Variants in TOM1L1 observed in about 807,000 individuals in gnomAD.
TOM1L1 encodes the protein TOM1-like protein 1.
Under a neutral mutation model 63.4 loss-of-function variants are expected in TOM1L1, and 64 were observed. That is an observed-to-expected ratio of 1.01 (90% CI 0.83 to 1.24). TOM1L1 has a LOEUF of 1.24. Among genes scored for constraint, TOM1L1 ranks in the 50% most tolerant of loss-of-function variants. The pLI, the probability that TOM1L1 is intolerant of heterozygous loss-of-function variation, is 0.00. For missense variants in TOM1L1, 536 were observed against 567.0 expected (o/e 0.95, Z 0.55); for synonymous variants, 166 against 194.4 (o/e 0.85, Z 1.22).
At chr17:54,938,609 G>A in intron 10 of TOM1L1, 1 of 209,600 alleles carries the variant, frequency 4.8e-6, no homozygotes. Flanking sequence ...AAAATCCTTT[G>A]CATTCTGGAT....
At chr17:54,924,622 G>A (rs1216712797) in intron 7 of TOM1L1, among the ~76,000 whole-genome samples, 1 of 152,170 alleles carries the variant, frequency 6.6e-6, no homozygotes, top group African/African-American at 2.4e-5. Context: ...CACTCACAGT[G>A]TCTGACGCTT....
intron 8 of TOM1L1, 134 bp from the exon 9 acceptor site, chr17:54,936,515 A>G: frequency 1.4e-6 from 1 of 728,030 alleles, no homozygotes; most frequent in Non-Finnish European, 2.2e-6. Flanking sequence ...TATTAAAAGT[A>G]TTTTACTGAT....
chr17:54,952,742 G>C (rs570307010), intron 14 of TOM1L1: 18 of 152,206 alleles, frequency 1.2e-4, no homozygotes, highest in Non-Finnish European at 5.9e-5. Flanking sequence ...CAATTATCTA[G>C]TACCGCATTA....
chr17:54,947,497 T>C, intron 12 of TOM1L1, 185 bp downstream of exon 12: 1 of 627,998 alleles, frequency 1.6e-6, no homozygotes, highest in Non-Finnish European at 2.8e-6. Flanking sequence ...CTTCCTTTCC[T>C]TGTATTCTCT....
At chr17:54,911,489 T>G (rs1270630651) in intron 3 of TOM1L1, among the ~76,000 whole-genome samples, 2 of 152,134 alleles carry the variant, frequency 1.3e-5, no homozygotes, top group East Asian at 3.8e-4. Flanking sequence ...TATCTAAATT[T>G]CAGCCCATCA....
At position 54,913,882 on chromosome 17, in the gene TOM1L1, C is replaced by A; in HGVS notation, c.498+9C>A. The A allele has an allele frequency of 6.2e-7, 1 of 1,602,370 alleles. No individual in the cohort carries two copies. The highest frequency in any genetic ancestry group is 8.5e-7 in the Non-Finnish European group (1 of 1,172,766). ...AAACAGCAAGACAAGAGGTAGGAGG[C>A]CTTTCTTTGACCCATGGAGACTATA... On this transcript the variant is annotated intron_variant, in intron 5 of 15. Transcript: ENST00000575882.
chr17:54,912,844 G>A, intron 4 of TOM1L1, 29 bp downstream of exon 4: 3 of 1,503,718 alleles, frequency 2.0e-6, no homozygotes, highest in Non-Finnish European at 2.7e-6. Context: ...TCATGGGATG[G>A]TAAATTTCTA....
intron 11 of TOM1L1, among the ~76,000 whole-genome samples, chr17:54,943,893 C>T (rs2049073856): frequency 6.6e-6 from 1 of 151,578 alleles, no homozygotes; most frequent in Non-Finnish European, 1.5e-5. Context: ...AGGGGAATCA[C>T]TTGAACCCGG....
At chr17:54,926,300 T>C (rs1218695472) in intron 7 of TOM1L1, among the ~76,000 whole-genome samples, 2 of 152,204 alleles carry the variant, frequency 1.3e-5, no homozygotes, top group Non-Finnish European at 2.9e-5. Flanking sequence ...CTAACAAGTG[T>C]TGTGATGAGT....
chr17:54,910,429 C>T (rs546391993), intron 3 of TOM1L1, among the ~76,000 whole-genome samples: 21 of 152,314 alleles, frequency 1.4e-4, no homozygotes, highest in Non-Finnish European at 2.5e-4. Context: ...GCACTCCAGC[C>T]TAGGTGACAG....
Position 54,902,452 on chromosome 17 carries a change from G to T in TOM1L1, c.59-1256G>T, listed in dbSNP as rs373347733. 3.9e-5 allele frequency among the ~76,000 whole-genome samples: 6 copies of T among 152,214 alleles called. No homozygotes were observed. In the South Asian group the frequency reaches 1.2e-3, roughly 32 times the overall value. On this transcript the variant is annotated intron_variant, in intron 1 of 15. Transcript: ENST00000575882. ...CTACAGGCACATGCCACCACGCCAG[G>T]CTAATTTTTGTATTTTTAGTAGAGA...
intron 3 of TOM1L1, 58 bp from the exon 4 acceptor site, chr17:54,912,608 A>G: frequency 1.4e-6 from 2 of 1,411,500 alleles, no homozygotes; most frequent in Non-Finnish European, 1.9e-6. Context: ...TTTCCCTTAC[A>G]TTTTTAGGAG....
chr17:54,917,375 T>C (rs1168355850), intron 7 of TOM1L1: 1 of 152,182 alleles, frequency 6.6e-6, no homozygotes, highest in Non-Finnish European at 1.5e-5. Context: ...CTGTTTAATG[T>C]ATTTCTCTAA....
intron 11 of TOM1L1, among the ~76,000 whole-genome samples, chr17:54,943,705 G>C (rs894479980): frequency 6.6e-6 from 1 of 152,052 alleles, no homozygotes; most frequent in Non-Finnish European, 1.5e-5. Context: ...TGGGCCGGGC[G>C]CAGTGGCTCA....
chr17:54,930,055 C>T lies in TOM1L1; in HGVS notation c.721-18C>T, dbSNP rs1344479772. ...GTTCCAAGTGTGGAAGAAGAAATCT[C>T]TCTCCTTTCTTTGACAGAAACTCTA... On this transcript the variant is annotated intron_variant, in intron 7 of 15. Coordinates refer to ENST00000575882, the MANE Select transcript of TOM1L1 (RefSeq NM_005486.3). The T allele has an allele frequency of 3.1e-6, 5 of 1,613,746 alleles. No individual in the cohort carries two copies. The African/African-American group carries it at 6.7e-5, about 22-fold the overall frequency.
At chr17:54,945,445 T>G (rs1165658946) in intron 11 of TOM1L1, among the ~76,000 whole-genome samples, 1 of 152,232 alleles carries the variant, frequency 6.6e-6, no homozygotes, top group Non-Finnish European at 1.5e-5. Flanking sequence ...GTTTTTAGTC[T>G]TTCTTTTCTT....
intron 5 of TOM1L1, 130 bp downstream of exon 5, chr17:54,914,003 T>G (rs2048542316): frequency 0.02 from 13,012 of 659,834 alleles, no homozygotes; most frequent in Non-Finnish European, 0.027. Flanking sequence ...GATATTGCAA[T>G]ATCTCATAGA....
Position 54,961,214 on chromosome 17 carries a change from ATTTTC to A in TOM1L1, c.*2-18_*2-14del. 1 of 1,470,754 alleles carries A rather than the reference ATTTTC, an allele frequency of 6.8e-7. No homozygotes were observed. 91.1% of individuals were successfully genotyped at this position (1,470,754 alleles called of 1,614,324 possible). On this transcript the variant is annotated splice_polypyrimidine_tract_variant and intron_variant, in intron 15 of 15. Transcript: ENST00000575882. ...GAGAAGGACAGGATGAATACTGGCCATTTTCTTCTCTTTATTTTAGAAGAAAGTGG... is the reference window on the plus strand; with the variant it reads ...GAGAAGGACAGGATGAATACTGGCCATTCTCTTTATTTTAGAAGAAAGTGG...
intron 11 of TOM1L1, among the ~76,000 whole-genome samples, chr17:54,945,666 C>T (rs940407320): frequency 1.4e-5 from 2 of 139,828 alleles, no homozygotes; most frequent in African/African-American, 5.5e-5. Flanking sequence ...TGAGCTCATT[C>T]TGTTAAGTTT....
Sources: gnomAD v4.1 joint callset for allele counts (sites outside exome capture counted in the v4.1 genomes callset) on GRCh38, gnomAD v4.1.1 for gene constraint, MANE v1.5 for transcripts, NCBI Gene and HGNC (gene_info 2026-07-23, HGNC 2026-07-21) for gene names.